Variants in C5orf24 observed in about 807,000 individuals in gnomAD.
C5orf24 encodes the protein chromosome 5 open reading frame 24.
A neutral mutation model predicts 9.8 loss-of-function variants in C5orf24; 4 were observed. The ratio of observed to expected loss-of-function variants is 0.41; its 90% CI spans 0.20 to 0.93. C5orf24 has a LOEUF of 0.93. Among genes scored for constraint, C5orf24 ranks in the 40% least tolerant of loss-of-function variants. The pLI is 0.33. For missense variants in C5orf24, 170 were observed against 236.9 expected, an observed-to-expected ratio of 0.72 and a Z score of 1.85; for synonymous variants, 73 against 81.3, an observed-to-expected ratio of 0.90 and a Z score of 0.55.
At chr5:134,842,074 C>T (rs1387208129), upstream of C5orf24, among the ~76,000 whole-genome samples, 1 of 152,110 alleles carries the variant, frequency 6.6e-6, no homozygotes, top group African/African-American at 2.4e-5. Flanking sequence ...AGAGTGGTAG[C>T]AAATTCCTAT....
At chr5:134,851,441 A>AC (rs1349091038) in intron 1 of C5orf24, among the ~76,000 whole-genome samples, 24 of 115,232 alleles carry the variant, frequency 2.1e-4, no homozygotes, top group African/African-American at 7.8e-4. Context: ...CCCGCCCCCC[A>AC]CCCCCCAGGG....
At position 134,848,184 on chromosome 5, in the gene C5orf24, G is replaced by A. The variant is rs551409374; in HGVS notation, c.-4+1972G>A. On this transcript the variant is annotated intron_variant, in intron 1 of 1. Transcript: ENST00000394976. ...AAATTAGCCAGGCGTGGTGGCTGGCGCCTGTAGTCCCAGCTACTCGGGAAG... is the reference window on the plus strand; with the variant it reads ...AAATTAGCCAGGCGTGGTGGCTGGCACCTGTAGTCCCAGCTACTCGGGAAG... 7.9e-5 allele frequency among the ~76,000 whole-genome samples: 12 copies of A among 152,098 alleles called. No homozygotes were observed. The South Asian group carries it at 2.3e-3, about 29-fold the overall frequency.
At chr5:134,841,812 T>C (rs1270241678), upstream of C5orf24, among the ~76,000 whole-genome samples, 2 of 152,160 alleles carry the variant, frequency 1.3e-5, no homozygotes, top group African/African-American at 4.8e-5. Flanking sequence ...AGGGGATGGC[T>C]GAAGAAGTAC....
chr5:134,834,577 G>A, the C5orf24 span, among the ~76,000 whole-genome samples: 2 of 152,200 alleles, frequency 1.3e-5, no homozygotes, highest in Non-Finnish European at 2.9e-5. Flanking sequence ...TTCAAAGAGA[G>A]CATAAATTCC....
intron 1 of C5orf24, among the ~76,000 whole-genome samples, chr5:134,848,101 A>G (rs911065117): frequency 5.1e-4 from 76 of 148,644 alleles, no homozygotes; most frequent in African/African-American, 1.9e-3. Flanking sequence ...TCACGAGGTC[A>G]GGAGATCGAG....
chr5:134,837,702 C>T, the C5orf24 span, among the ~76,000 whole-genome samples: 1 of 151,538 alleles, frequency 6.6e-6, no homozygotes, highest in Non-Finnish European at 1.5e-5. Flanking sequence ...AATCAGAAAG[C>T]TGGCTCTCTA....
At chr5:134,845,497 G>A (rs545661858), upstream of C5orf24, among the ~76,000 whole-genome samples, 37 of 152,306 alleles carry the variant, frequency 2.4e-4, no homozygotes, top group African/African-American at 8.2e-4. Flanking sequence ...GCGGTAGTTT[G>A]TTGTTCCATC....
Position 134,857,517 on chromosome 5 carries a change from T to C in C5orf24, c.*2050T>C. 7.9e-7 allele frequency: 1 copy of C among 1,271,934 alleles called. No individual in the cohort carries two copies. Among genetic ancestry groups the C allele is most frequent in the Non-Finnish European group, 1.0e-6 (1 of 971,744 alleles). 78.8% of individuals were successfully genotyped at this position (1,271,934 alleles called of 1,614,324 possible). ...AACAATATTAGCTTTGCACAAACCATAGAGAACGATGTTGGATGGTTACAT... is the reference window on the plus strand; with the variant it reads ...AACAATATTAGCTTTGCACAAACCACAGAGAACGATGTTGGATGGTTACAT... On this transcript the variant is annotated 3_prime_UTR_variant, in exon 2 of 2. Transcript: ENST00000394976.
At chr5:134,841,446 G>A (rs1426846257), upstream of C5orf24, among the ~76,000 whole-genome samples, 2 of 151,994 alleles carry the variant, frequency 1.3e-5, no homozygotes, top group Admixed American at 1.3e-4. Flanking sequence ...AAAAAGCCAG[G>A]TGTGGTGGCT....
the C5orf24 span, among the ~76,000 whole-genome samples, chr5:134,835,492 C>T: frequency 6.6e-6 from 1 of 151,426 alleles, no homozygotes; most frequent in Non-Finnish European, 1.5e-5. Context: ...TAAAAAAATA[C>T]AAAAATTAGT....
upstream of C5orf24, among the ~76,000 whole-genome samples, chr5:134,841,084 T>A (rs1397614271): frequency 6.6e-6 from 1 of 152,198 alleles, no homozygotes; most frequent in Non-Finnish European, 1.5e-5. Flanking sequence ...AAGCCAGCAG[T>A]AAAGGCCAGA....
chr5:134,859,657 A>C lies in C5orf24; in HGVS notation c.*4190A>C, dbSNP rs1756396178. On this transcript the variant is annotated 3_prime_UTR_variant, in exon 2 of 2. Coordinates refer to ENST00000394976, the MANE Select transcript of C5orf24 (RefSeq NM_001135586.1). The stretch of plus-strand genomic sequence containing the variant: ...ACTCGTGTGCAATTATGTGTATGGG[A>C]ATGGAGTAGTGTTCATGATTTGTAT... The C allele has an allele frequency of 6.0e-6, 1 of 166,996 alleles. No homozygotes were observed. Among genetic ancestry groups the C allele is most frequent in the African/African-American group, 2.4e-5 (1 of 41,432 alleles). The allele number at this position is 166,996 out of a possible 1,614,324, so 10.3% of individuals were successfully genotyped here.
intron 1 of C5orf24, among the ~76,000 whole-genome samples, chr5:134,853,360 T>TAA (rs397884485): frequency 0.071 from 5,434 of 76,856 alleles, 182 homozygotes; most frequent in Admixed American, 0.15. Flanking sequence ...AAACTCCACC[T>TAA]AAAAAAAAAA....
In C5orf24 at chr5:134,859,216, G is replaced by C. The variant is rs1171186142; in HGVS notation, c.*3749G>C. ...TCTCTATATGCAGTAAAATTTTATG[G>C]TCCCTTTATAGGAATATAAAGAATT... On this transcript the variant is annotated 3_prime_UTR_variant, in exon 2 of 2. Transcript: ENST00000394976. 2 of 166,916 alleles carry C rather than the reference G, an allele frequency of 1.2e-5. No homozygotes were observed. The highest frequency in any genetic ancestry group is 2.9e-5 in the Non-Finnish European group (2 of 68,068). The allele number at this position is 166,916 out of a possible 1,614,324, so 10.3% of individuals were successfully genotyped here. A position where few individuals can be genotyped will look rare whatever the true frequency, so the allele number is the denominator to read the frequency against.
At position 134,855,151 on chromosome 5, in the gene C5orf24, T is replaced by C. The variant is rs1465447121; in HGVS notation, c.251T>C (p.Leu84Pro). 1.2e-6 allele frequency: 2 copies of C among 1,613,922 alleles called. No individual in the cohort carries two copies. Among genetic ancestry groups the C allele is most frequent in the Admixed American group, 1.7e-5 (1 of 59,968 alleles). ...IKDELKKKKN[L>P]NRSGKRGRPS... is the part of the protein sequence containing the mutation. Reference sequence around the variant, plus strand: ...GATGAACTAAAGAAAAAGAAGAATCTCAACCGATCTGGTAAGCGTGGCCGG... The same window carrying C: ...GATGAACTAAAGAAAAAGAAGAATCCCAACCGATCTGGTAAGCGTGGCCGG... The change falls in exon 2 of 2, where the codon CTC (leucine) becomes CCC (proline). Residue 84 changes from leucine (L) to proline (P), a missense_variant. Coordinates refer to ENST00000394976, the MANE Select transcript of C5orf24 (RefSeq NM_001135586.1).
chr5:134,854,973 G>A lies in C5orf24; in HGVS notation c.73G>A (p.Ala25Thr). Reference protein sequence around the residue: ...PGKPSCLNEDAMRAADQFDIY... With the variant: ...PGKPSCLNEDTMRAADQFDIY... ...CAAGCCTTCCTGCCTCAATGAAGAT[G>A]CCATGAGAGCTGCTGATCAGTTTGA... Residue 25 changes from alanine (A) to threonine (T), a missense_variant, in exon 2 of 2, where the codon GCC becomes ACC. Physicochemically the swap from Ala to Thr is moderately conservative, Grantham distance 58. This residue lies in a region of C5orf24 where 93 missense variants were observed against 104.5 expected (regional missense o/e 0.89). Transcript: ENST00000394976. 1.2e-6 allele frequency: 2 copies of A among 1,614,136 alleles called. No homozygotes were observed. Among genetic ancestry groups the A allele is most frequent in the Non-Finnish European group, 1.7e-6 (2 of 1,180,036 alleles).
chr5:134,841,030 A>C (rs1214701847), upstream of C5orf24, among the ~76,000 whole-genome samples: 1 of 152,206 alleles, frequency 6.6e-6, no homozygotes, highest in East Asian at 1.9e-4. Flanking sequence ...AAACAAAAAC[A>C]CTATGAAGCA....
At position 134,857,024 on chromosome 5, in the gene C5orf24, A is replaced by T. The variant is rs1756333085; in HGVS notation, c.*1557A>T. On this transcript the variant is annotated 3_prime_UTR_variant, in exon 2 of 2. Transcript: ENST00000394976. ...TAGAAGCAAGATAGAAAGGAAAAAA[A>T]GTATTAGGTAGATATGTATAGTAGG... 9 of 1,026,158 alleles carry T rather than the reference A, an allele frequency of 8.8e-6. No homozygotes were observed. Among genetic ancestry groups the T allele is most frequent in the African/African-American group, 1.7e-5 (1 of 58,332 alleles). The allele number at this position is 1,026,158 out of a possible 1,614,324, so 63.6% of individuals were successfully genotyped here. A position where few individuals can be genotyped will look rare whatever the true frequency, so the allele number is the denominator to read the frequency against.
chr5:134,849,343 A>C (rs565177320), intron 1 of C5orf24, among the ~76,000 whole-genome samples: 13 of 152,340 alleles, frequency 8.5e-5, no homozygotes, highest in African/African-American at 2.6e-4. Context: ...CTCACATGCA[A>C]ATACTTTTTA....
Sources: allele counts gnomAD v4.1 joint callset (sites outside exome capture counted in the v4.1 genomes callset), GRCh38; gene constraint gnomAD v4.1.1; regional missense constraint gnomAD v4.1.1; transcripts MANE v1.5; gene names NCBI Gene and HGNC (gene_info 2026-07-23, HGNC 2026-07-21).